The following NSMCE2 variants were observed in gnomAD, a reference collection of about 807,000 sequenced individuals.
NSMCE2 encodes E3 SUMO-protein ligase NSE2.
A neutral mutation model predicts 23.8 loss-of-function variants in NSMCE2; 24 were observed. The ratio of observed to expected loss-of-function variants is 1.01; its 90% CI spans 0.73 to 1.42. NSMCE2 has a LOEUF of 1.42. NSMCE2 is among the 40% of genes most tolerant of loss of function. The pLI is 0.00. For synonymous variants in NSMCE2, 92 were observed against 94.1 expected (o/e 0.98, Z 0.13); for missense variants, 284 against 296.5 (o/e 0.96, Z 0.31).
intron 5 of NSMCE2, among the ~76,000 whole-genome samples, chr8:125,202,174 G>C (rs548600910): frequency 3.3e-5 from 5 of 152,178 alleles, no homozygotes; most frequent in Admixed American, 3.3e-4. Context: ...CGCTTCCTTC[G>C]TGAGGCAATG....
At chr8:125,216,654 T>C (rs1430120206) in intron 5 of NSMCE2, among the ~76,000 whole-genome samples, 1 of 148,750 alleles carries the variant, frequency 6.7e-6, no homozygotes, top group East Asian at 2.0e-4. Context: ...AAAAAAATGG[T>C]CTATGGGTTT....
intron 5 of NSMCE2, among the ~76,000 whole-genome samples, chr8:125,260,207 A>G (rs1826626654): frequency 6.6e-6 from 1 of 152,194 alleles, no homozygotes; most frequent in Non-Finnish European, 1.5e-5. Flanking sequence ...ATGAGTCAGA[A>G]TAGTGGAAGG....
intron 5 of NSMCE2, among the ~76,000 whole-genome samples, chr8:125,267,777 A>T (rs1416437368): frequency 6.6e-6 from 1 of 152,192 alleles, no homozygotes; most frequent in Non-Finnish European, 1.5e-5. Flanking sequence ...CTCTGTCTCA[A>T]AAAATAGTAA....
At chr8:125,239,984 CTTTGT>C (rs1825705820) in intron 5 of NSMCE2, among the ~76,000 whole-genome samples, 1 of 152,104 alleles carries the variant, frequency 6.6e-6, no homozygotes, top group Non-Finnish European at 1.5e-5. Context: ...CACTGTCAGC[CTTTGT>C]TTTCTCTTTC....
intron 5 of NSMCE2, among the ~76,000 whole-genome samples, chr8:125,323,201 A>G (rs1001056533): frequency 6.6e-5 from 10 of 152,272 alleles, no homozygotes; most frequent in African/African-American, 2.4e-4. Context: ...CGAAAACTCA[A>G]TATACTTAAG....
intron 5 of NSMCE2, among the ~76,000 whole-genome samples, chr8:125,290,684 T>C (rs1161105975): frequency 6.6e-6 from 1 of 152,180 alleles, no homozygotes; most frequent in Non-Finnish European, 1.5e-5. Context: ...GCAACTGTGA[T>C]CAAGGAGACA....
At chr8:125,286,730 G>A (rs1318753391) in intron 5 of NSMCE2, among the ~76,000 whole-genome samples, 2 of 146,772 alleles carry the variant, frequency 1.4e-5, no homozygotes, top group Non-Finnish European at 3.0e-5. Flanking sequence ...CTTGTTTATA[G>A]CATCTCTTCT....
At chr8:125,240,197 T>C (rs1223404152) in intron 5 of NSMCE2, among the ~76,000 whole-genome samples, 1 of 151,676 alleles carries the variant, frequency 6.6e-6, no homozygotes, top group Non-Finnish European at 1.5e-5. Flanking sequence ...AGATCTTGGC[T>C]CACTTCAACC....
At chr8:125,327,533 T>A (rs1829718754) in intron 5 of NSMCE2, among the ~76,000 whole-genome samples, 1 of 152,150 alleles carries the variant, frequency 6.6e-6, no homozygotes, top group African/African-American at 2.4e-5. Context: ...GAGAGTGTTT[T>A]TTTTTAAGTC....
chr8:125,143,710 A>G (rs891701953), intron 3 of NSMCE2, among the ~76,000 whole-genome samples: 1 of 152,212 alleles, frequency 6.6e-6, no homozygotes, highest in Non-Finnish European at 1.5e-5. Flanking sequence ...TTTAGGACCA[A>G]ATTTCAGGAA....
chr8:125,364,751 A>C (rs993852971), intron 7 of NSMCE2, among the ~76,000 whole-genome samples: 3 of 152,186 alleles, frequency 2.0e-5, no homozygotes, highest in Non-Finnish European at 2.9e-5. Flanking sequence ...ATTATTGAGC[A>C]CAGAGGATCT....
At chr8:125,150,699 T>C (rs1450875628) in intron 3 of NSMCE2, among the ~76,000 whole-genome samples, 1 of 152,156 alleles carries the variant, frequency 6.6e-6, no homozygotes, top group Non-Finnish European at 1.5e-5. Flanking sequence ...TTGATTGTTT[T>C]CATTAGGAAG....
rs555863254 is a variant in NSMCE2 at position 125,144,409 on chromosome 8, A to T, written c.158-6762A>T. Among the ~76,000 whole-genome samples the T allele has an allele frequency of 6.6e-5, 10 of 152,326 alleles. No individual in the cohort carries two copies. The South Asian group carries it at 2.1e-3, about 32-fold the overall frequency. ...AATAGAAAGAATCTTCTGCTCTCCT[A>T]TCTGCTGTTGCTTTTTAACCTGTAG... is the stretch of plus-strand genomic sequence containing the variant. On this transcript the variant is annotated intron_variant, in intron 3 of 7. Coordinates refer to ENST00000287437, the MANE Select transcript of NSMCE2 (RefSeq NM_173685.4).
chr8:125,228,852 T>C (rs1586642006), intron 5 of NSMCE2, among the ~76,000 whole-genome samples: 1 of 152,168 alleles, frequency 6.6e-6, no homozygotes, highest in Non-Finnish European at 1.5e-5. Context: ...CTGTGAACTA[T>C]GTATGTGGCC....
chr8:125,251,540 TTGAG>T (rs1205154412), intron 5 of NSMCE2, among the ~76,000 whole-genome samples: 4 of 152,142 alleles, frequency 2.6e-5, no homozygotes, highest in East Asian at 1.9e-4. Flanking sequence ...GACATGGAGT[TTGAG>T]TGAGAGCTAG....
Position 125,357,778 on chromosome 8 carries a change from C to T in NSMCE2, c.586C>T (p.Arg196Cys). 6.2e-7 allele frequency: 1 copy of T among 1,613,998 alleles called. No homozygotes were observed. Among genetic ancestry groups the T allele is most frequent in the South Asian group, 1.1e-5 (1 of 91,070 alleles). ...CACCTATGAAGAGGACGCCATTGTT[C>T]GCATGATTGAGTCCAGGCAAAAGCG... ...GHTYEEDAIV[R>C]MIESRQKRKK... is the part of the protein sequence containing the mutation. Residue 196 changes from arginine (R) to cysteine (C), a missense_variant, in exon 7 of 8, where the codon CGC (arginine) becomes TGC (cysteine). Arg to Cys is a radical substitution (Grantham distance 180). This residue lies in a region of NSMCE2 where 102 missense variants were observed against 141.0 expected (regional missense o/e 0.72). Transcript: ENST00000287437.
intron 5 of NSMCE2, among the ~76,000 whole-genome samples, chr8:125,349,580 AT>A (rs1413608428): frequency 1.5e-4 from 10 of 65,972 alleles, no homozygotes; most frequent in African/African-American, 6.9e-4. Flanking sequence ...GAGAGCTTGT[AT>A]TTAAAAAAAA....
chr8:125,296,026 A>T (rs999458441), intron 5 of NSMCE2, among the ~76,000 whole-genome samples: 1 of 152,200 alleles, frequency 6.6e-6, no homozygotes, highest in Non-Finnish European at 1.5e-5. Flanking sequence ...TACAGCTTAG[A>T]TTCTGATCTT....
chr8:125,365,104 T>G (rs147977793), intron 7 of NSMCE2, among the ~76,000 whole-genome samples: 2 of 152,172 alleles, frequency 1.3e-5, no homozygotes, highest in Non-Finnish European at 2.9e-5. Flanking sequence ...GCTGCAGCCT[T>G]TCCACCGAGT....
Sources: allele counts gnomAD v4.1 joint callset (sites outside exome capture counted in the v4.1 genomes callset), GRCh38; gene constraint gnomAD v4.1.1; regional missense constraint gnomAD v4.1.1; transcripts MANE v1.5; gene names NCBI Gene and HGNC (gene_info 2026-07-23, HGNC 2026-07-21).